The following FAM135B variants were observed in gnomAD, a reference collection of about 807,000 sequenced individuals.
FAM135B encodes family with sequence similarity 135 member B.
A neutral mutation model predicts 127.7 loss-of-function variants in FAM135B; 43 were observed. The observed-to-expected ratio is 0.34, with a 90% CI of 0.26 to 0.43. FAM135B has a LOEUF of 0.43. FAM135B is among the 20% of genes least tolerant of loss of function. The pLI, the probability that FAM135B is intolerant of heterozygous loss-of-function variation, is 1.00. For missense variants in FAM135B, 1,558 were observed against 1,725.6 expected (o/e 0.90, Z 1.72); for synonymous variants, 670 against 665.1 (o/e 1.01, Z -0.11).
intron 11 of FAM135B, among the ~76,000 whole-genome samples, chr8:138,175,341 G>A (rs566456221): frequency 1.7e-4 from 25 of 147,802 alleles, no homozygotes; most frequent in Non-Finnish European, 3.3e-4. Flanking sequence ...TAAACACATT[G>A]TGTTTCCATA....
At chr8:138,435,316 G>GA (rs951015938) in intron 1 of FAM135B, among the ~76,000 whole-genome samples, 6 of 150,426 alleles carry the variant, frequency 4.0e-5, no homozygotes, top group African/African-American at 1.2e-4. Context: ...AAAAGAAAAA[G>GA]AAAAAAAAAG....
At chr8:138,207,257 G>C (rs1410221779) in intron 7 of FAM135B, among the ~76,000 whole-genome samples, 3 of 133,546 alleles carry the variant, frequency 2.2e-5, no homozygotes, top group Non-Finnish European at 4.7e-5. Context: ...TCGCTTTGTT[G>C]CCCAGGCTGG....
At chr8:138,148,894 A>C in intron 13 of FAM135B, 1 of 276,782 alleles carries the variant, frequency 3.6e-6, no homozygotes, top group Non-Finnish European at 6.7e-6. Context: ...AAAACCAAAC[A>C]CCGCATGTTC....
intron 1 of FAM135B, among the ~76,000 whole-genome samples, chr8:138,432,067 G>A (rs757285306): frequency 4.6e-5 from 7 of 152,188 alleles, no homozygotes; most frequent in Non-Finnish European, 7.3e-5. Context: ...CCATCAGAAC[G>A]ATCCCTGGGG....
intron 7 of FAM135B, among the ~76,000 whole-genome samples, chr8:138,211,043 T>C (rs1056800897): frequency 6.6e-6 from 1 of 152,160 alleles, no homozygotes; most frequent in Admixed American, 6.5e-5. Context: ...ATGCTCCTAA[T>C]CACCACCAAT....
At chr8:138,223,094 T>C (rs1410794961) in intron 7 of FAM135B, among the ~76,000 whole-genome samples, 2 of 152,178 alleles carry the variant, frequency 1.3e-5, no homozygotes, top group Non-Finnish European at 2.9e-5. Context: ...TCTACTTGTG[T>C]CACACAGGAA....
intron 3 of FAM135B, among the ~76,000 whole-genome samples, chr8:138,287,311 T>G (rs904009146): frequency 6.6e-6 from 1 of 152,154 alleles, no homozygotes; most frequent in East Asian, 1.9e-4. Context: ...ATGGTCAACC[T>G]CCTTAGTAAT....
intron 11 of FAM135B, among the ~76,000 whole-genome samples, chr8:138,172,132 C>T (rs1351435583): frequency 6.6e-6 from 1 of 152,158 alleles, no homozygotes; most frequent in African/African-American, 2.4e-5. Context: ...AAGGGAAAAA[C>T]AACTTTCTCT....
intron 1 of FAM135B, among the ~76,000 whole-genome samples, chr8:138,432,061 C>T (rs1312009339): frequency 3.9e-5 from 6 of 152,194 alleles, no homozygotes; most frequent in African/African-American, 1.4e-4. Context: ...TAATACCCAT[C>T]AGAACGATCC....
At chr8:138,184,984 C>G (rs763168807) in intron 9 of FAM135B, among the ~76,000 whole-genome samples, 1 of 152,218 alleles carries the variant, frequency 6.6e-6, no homozygotes, top group Non-Finnish European at 1.5e-5. Context: ...CTCAAACCAG[C>G]TGCCTCCAGC....
intron 5 of FAM135B, among the ~76,000 whole-genome samples, chr8:138,253,056 C>T (rs1399063299): frequency 6.6e-6 from 1 of 152,140 alleles, no homozygotes; most frequent in Admixed American, 6.5e-5. Flanking sequence ...CTGCCTTGGC[C>T]TCCCAAAGGG....
chr8:138,254,206 A>G (rs1821907707), intron 5 of FAM135B, among the ~76,000 whole-genome samples: 1 of 152,238 alleles, frequency 6.6e-6, no homozygotes, highest in Non-Finnish European at 1.5e-5. Flanking sequence ...GATTTATGAA[A>G]GTGTGGGGAC....
At position 138,256,672 on chromosome 8, in the gene FAM135B, AT is replaced by A. The variant is rs753291883; in HGVS notation, c.368+16del. 1.2e-6 allele frequency: 2 copies of A among 1,610,548 alleles called. No individual in the cohort carries two copies. Among genetic ancestry groups the A allele is most frequent in the Admixed American group, 1.7e-5 (1 of 59,996 alleles). The stretch of plus-strand genomic sequence containing the variant: ...AGCACTGTGCTACTACAATTCAATA[AT>A]TTCCATGACACTCACTGCTGTTCAC... On this transcript the variant is annotated intron_variant, in intron 5 of 19. Coordinates refer to ENST00000395297, the MANE Select transcript of FAM135B (RefSeq NM_015912.4).
chr8:138,389,443 A>G (rs1832411270), intron 1 of FAM135B, among the ~76,000 whole-genome samples: 1 of 152,252 alleles, frequency 6.6e-6, no homozygotes, highest in South Asian at 2.1e-4. Flanking sequence ...ATAAATCAAA[A>G]TGGATAAATC....
chr8:138,228,649 T>C (rs962083367), intron 7 of FAM135B, among the ~76,000 whole-genome samples: 1 of 152,064 alleles, frequency 6.6e-6, no homozygotes, highest in Non-Finnish European at 1.5e-5. Flanking sequence ...TGGGAGTGTA[T>C]GTCATATACC....
chr8:138,461,867 T>C (rs1036524294), intron 1 of FAM135B, among the ~76,000 whole-genome samples: 8 of 152,142 alleles, frequency 5.3e-5, no homozygotes, highest in Admixed American at 1.3e-4. Flanking sequence ...TCTGTATCGT[T>C]CAACCCACGA....
chr8:138,442,276 A>ATATATATG (rs1835846958), intron 1 of FAM135B, among the ~76,000 whole-genome samples: 3 of 139,860 alleles, frequency 2.1e-5, no homozygotes, highest in East Asian at 2.1e-4. Context: ...ATATATATAT[A>ATATATATG]TGAAAAACCT....
At chr8:138,138,042 A>C (rs1417569434) in intron 18 of FAM135B, among the ~76,000 whole-genome samples, 1 of 152,196 alleles carries the variant, frequency 6.6e-6, no homozygotes, top group Non-Finnish European at 1.5e-5. Context: ...CAGCTGGCCA[A>C]TACATGGGCG....
At position 138,141,082 on chromosome 8, in the gene FAM135B, T is replaced by C. The variant is rs1817099052; in HGVS notation, c.3790+116A>G. 7.1e-6 allele frequency: 7 copies of C among 991,630 alleles called. No individual in the cohort carries two copies. The highest frequency in any genetic ancestry group is 9.0e-6 in the Non-Finnish European group (6 of 666,442). The allele number at this position is 991,630 out of a possible 1,614,324, so 61.4% of individuals were successfully genotyped here. ...GGCCAGGACTCCTCCCTCCATGCCA[T>C]GCTTGGAAAAGACTGCACAGTCACA... On this transcript the variant is annotated intron_variant, in intron 17 of 19. Transcript: ENST00000395297. This position sits in a 1 kb window ranked among gnomAD's most constrained non-coding sequence, Gnocchi z 4.7.
Sources: gnomAD v4.1 joint callset for allele counts (sites outside exome capture counted in the v4.1 genomes callset) on GRCh38, gnomAD v4.1.1 for gene constraint, Gnocchi (gnomAD v3.1) non-coding constraint, MANE v1.5 for transcripts, NCBI Gene and HGNC (gene_info 2026-07-23, HGNC 2026-07-21) for gene names.